The following FREM2 variants were observed in gnomAD, a reference collection of about 807,000 sequenced individuals.
The protein encoded by FREM2 is FRAS1 related extracellular matrix 2.
In FREM2, 119 loss-of-function variants were observed where a neutral mutation model predicts 219.9. The observed-to-expected ratio is 0.54, with a 90% CI of 0.47 to 0.63. The LOEUF is 0.63. FREM2 is among the 30% of genes least tolerant of loss of function. The pLI is 0.00. For synonymous variants in FREM2, 1,562 were observed against 1,522.8 expected, an observed-to-expected ratio of 1.03 and a Z score of -0.60; for missense variants, 4,030 against 3,993.6, an observed-to-expected ratio of 1.01 and a Z score of -0.25.
chr13:38,877,370 C>A, intron 21 of FREM2, 127 bp downstream of exon 21: 2 of 1,025,258 alleles, frequency 2.0e-6, no homozygotes, highest in Non-Finnish European at 3.1e-6. Context: ...GTAACTGGGT[C>A]TTTACCCACT....
At chr13:38,748,528 G>C (rs571339030) in intron 2 of FREM2, among the ~76,000 whole-genome samples, 69 of 152,254 alleles carry the variant, frequency 4.5e-4, no homozygotes, top group Non-Finnish European at 6.2e-4. Flanking sequence ...CAAATTATGC[G>C]CTGTAGATCA....
intron 2 of FREM2, among the ~76,000 whole-genome samples, chr13:38,707,046 ATAT>A (rs1870569842): frequency 1.3e-5 from 2 of 152,334 alleles, no homozygotes; most frequent in East Asian, 3.9e-4. Flanking sequence ...GTTTTTCTTA[ATAT>A]TCTGTTTCAG....
chr13:38,859,729 T>A, intron 14 of FREM2, 139 bp downstream of exon 14: 1 of 896,476 alleles, frequency 1.1e-6, no homozygotes, highest in Non-Finnish European at 1.8e-6. Flanking sequence ...AAATCTATTT[T>A]TACAAAATTA....
intron 2 of FREM2, among the ~76,000 whole-genome samples, chr13:38,763,608 T>G (rs191522546): frequency 6.6e-6 from 1 of 152,144 alleles, no homozygotes; most frequent in Non-Finnish European, 1.5e-5. Flanking sequence ...CTGATAACCA[T>G]TTTTCCTTTC....
At chr13:38,796,238 G>A (rs770630462) in intron 6 of FREM2, among the ~76,000 whole-genome samples, 14 of 152,088 alleles carry the variant, frequency 9.2e-5, no homozygotes, top group Non-Finnish European at 1.6e-4. Context: ...CCTCTGGAAC[G>A]GATGACCCTA....
Position 38,846,579 on chromosome 13 carries a change from T to C in FREM2, c.6026T>C (p.Ile2009Thr), listed in dbSNP as rs768431656. 2.5e-6 allele frequency: 4 copies of C among 1,613,392 alleles called. No individual in the cohort carries two copies. In the African/African-American group the frequency reaches 5.3e-5, roughly 22 times the overall value. ...TCTGTTCCTTTCTTAACAGAACCCA[T>C]CTTTTACTTCGGTGATGTGGAATAC... ...TIVPDKDDEPIFYFGDVEYSV... is the reference protein window; with the variant it reads ...TIVPDKDDEPTFYFGDVEYSV... The change falls in exon 7 of 24, where the codon ATC becomes ACC. Residue 2009 changes from isoleucine (I) to threonine (T), a missense_variant. By Grantham distance (89) the Ile-to-Thr change is moderately conservative. Transcript: ENST00000280481.
Position 38,856,218 on chromosome 13 carries a change from C to T in FREM2, c.7018C>T (p.His2340Tyr), listed in dbSNP as rs1224050449. 1 of 1,612,662 alleles carries T rather than the reference C, an allele frequency of 6.2e-7. No individual in the cohort carries two copies. Among genetic ancestry groups the T allele is most frequent in the Non-Finnish European group, 8.5e-7 (1 of 1,178,998 alleles). The change falls in exon 12 of 24, where the codon CAC (histidine) becomes TAC (tyrosine). Residue 2340 changes from histidine to tyrosine, a missense_variant. His to Tyr is a moderately conservative substitution (Grantham distance 83, BLOSUM62 2). Transcript: ENST00000280481. ...VREMREAFTV[H>Y]LKPDENMIAE... ...AGAGATGAGAGAGGCCTTCACTGTT[C>T]ACCTAAAACCTGATGAAAATATGAT...
At chr13:38,768,303 A>T (rs1873521168) in intron 3 of FREM2, among the ~76,000 whole-genome samples, 1 of 151,892 alleles carries the variant, frequency 6.6e-6, no homozygotes, top group Admixed American at 6.6e-5. Flanking sequence ...TTAATTTTTG[A>T]GGCAGGCTCT....
At chr13:38,756,606 C>T (rs1873012862) in intron 2 of FREM2, among the ~76,000 whole-genome samples, 2 of 144,954 alleles carry the variant, frequency 1.4e-5, no homozygotes, top group South Asian at 4.4e-4. Context: ...TGGATCACTG[C>T]AACCTCTGCC....
chr13:38,845,721 C>T (rs939744370), intron 6 of FREM2, among the ~76,000 whole-genome samples: 10 of 152,034 alleles, frequency 6.6e-5, no homozygotes, highest in Non-Finnish European at 1.3e-4. Context: ...TCTGTTTTAT[C>T]ATTGGTCAGC....
rs1186506935 is a variant in FREM2, at chr13:38,850,228, C to A, written c.6570C>A (p.Phe2190Leu). 6.2e-7 allele frequency: 1 copy of A among 1,613,646 alleles called. No homozygotes were observed. The highest frequency in any genetic ancestry group is 1.1e-5 in the South Asian group (1 of 91,074). The part of the protein sequence containing the change: ...RPNTDTSIIT[F>L]LPGETEKPCI... ...ACACTGATACCTCCATCATCACATT[C>A]CTCCCTGGTAAGCTTGAACTTGAAA... is the stretch of plus-strand genomic sequence containing the variant. The change falls in exon 9 of 24, where the codon TTC becomes TTA. Residue 2190 changes from phenylalanine (F) to leucine (L), a missense_variant. By Grantham distance (22) the Phe-to-Leu change is conservative. Transcript: ENST00000280481.
intron 16 of FREM2, among the ~76,000 whole-genome samples, chr13:38,869,457 CTG>C (rs1327787284): frequency 6.6e-6 from 1 of 152,176 alleles, no homozygotes. Flanking sequence ...AACACCTACT[CTG>C]TGCCAGGGAA....
rs5802961 is a variant in FREM2 at position 38,886,402 on chromosome 13, ATT to A, written c.*5626_*5627del. 2.4e-4 allele frequency: 36 copies of A among 148,894 alleles called. No individual in the cohort carries two copies. Among genetic ancestry groups the A allele is most frequent in the Admixed American group, 2.7e-4 (4 of 14,956 alleles). The allele number at this position is 148,894 out of a possible 1,614,324, so 9.2% of individuals were successfully genotyped here. A position where few individuals can be genotyped will look rare whatever the true frequency, so the allele number is the denominator to read the frequency against. ...TATATATATAGAGAGAGAGAGATAG[ATT>A]TTTTTTTTTTGAGACAGAGTTTCGC... On this transcript the variant is annotated 3_prime_UTR_variant, in exon 24 of 24. Transcript: ENST00000280481.
rs1235419314 is a variant in FREM2, at chr13:38,689,993, C to G, written c.2649C>G (p.Ile883Met). 12 of 1,613,936 alleles carry G rather than the reference C, an allele frequency of 7.4e-6. No individual in the cohort carries two copies. Among genetic ancestry groups the G allele is most frequent in the Non-Finnish European group, 9.3e-6 (11 of 1,180,018 alleles). The change falls in exon 1 of 24, where the codon ATC (isoleucine) becomes ATG (methionine). Residue 883 changes from isoleucine (I) to methionine (M), a missense_variant. Around this residue, in one of 2 missense-constraint regions of FREM2, gnomAD observed 3,102 missense variants for 2,950.7 expected, o/e 1.05. Transcript: ENST00000280481. The part of the protein sequence containing the change: ...KHGHMRVSGQ[I>M]LHVGGLFHLE... ...GCCACATGAGAGTGTCTGGACAGAT[C>G]CTGCATGTAGGGGGTCTCTTCCACT...
intron 2 of FREM2, among the ~76,000 whole-genome samples, chr13:38,744,585 G>A (rs9576608): frequency 0.12 from 18,168 of 151,968 alleles, 1,229 homozygotes; most frequent in Middle Eastern, 0.23. Context: ...TCCACCTCCC[G>A]TGTTCAAGCA....
rs574512299 is a variant in FREM2, at chr13:38,781,574, G to A, written c.5642-1496G>A. 7.9e-5 allele frequency among the ~76,000 whole-genome samples: 12 copies of A among 152,050 alleles called. No homozygotes were observed. In the East Asian group the frequency reaches 1.9e-3, roughly 25 times the overall value. On this transcript the variant is annotated intron_variant, in intron 4 of 23. Coordinates refer to ENST00000280481, the MANE Select transcript of FREM2 (RefSeq NM_207361.6). ...TCCCCTGCACAGTATCTGGCAAGTC[G>A]ATGTCACCCAATCCATATTTGATAA...
intron 6 of FREM2, among the ~76,000 whole-genome samples, chr13:38,837,768 T>TTTGTTTG (rs1876769922): frequency 6.8e-6 from 1 of 147,968 alleles, no homozygotes; most frequent in Admixed American, 7.1e-5. Context: ...ACCCCTGGTT[T>TTTGTTTG]TTTTTTGTTT....
chr13:38,718,320 C>T (rs1352527835), intron 2 of FREM2, among the ~76,000 whole-genome samples: 2 of 152,182 alleles, frequency 1.3e-5, no homozygotes, highest in African/African-American at 4.8e-5. Context: ...TTAATTATGA[C>T]AGCCCTACTC....
At chr13:38,706,267 A>G (rs546369192) in intron 2 of FREM2, among the ~76,000 whole-genome samples, 1 of 152,268 alleles carries the variant, frequency 6.6e-6, no homozygotes, top group East Asian at 1.9e-4. Flanking sequence ...TTGATTGCAA[A>G]TCTCTAATAC....
Sources: gnomAD v4.1 joint callset for allele counts (sites outside exome capture counted in the v4.1 genomes callset) on GRCh38, gnomAD v4.1.1 for gene constraint, gnomAD v4.1.1 regional missense constraint, MANE v1.5 for transcripts, NCBI Gene and HGNC (gene_info 2026-07-23, HGNC 2026-07-21) for gene names.